Variants in CUL1 observed in about 807,000 individuals in gnomAD.
CUL1 encodes cullin-1.
CUL1 carries 24 observed loss-of-function variants against 118.0 expected under a neutral mutation model. The observed-to-expected ratio is 0.20, with a 90% CI of 0.15 to 0.29. The LOEUF is 0.29. Ranked by LOEUF, CUL1 falls within the 10% of genes least tolerant of loss-of-function variation. The pLI is 1.00. For synonymous variants in CUL1, 332 were observed against 340.4 expected (o/e 0.98, Z 0.27); for missense variants, 361 against 933.8 (o/e 0.39, Z 7.99).
intron 1 of CUL1, among the ~76,000 whole-genome samples, chr7:148,720,620 T>C (rs890588909): frequency 6.6e-6 from 1 of 152,168 alleles, no homozygotes; most frequent in Non-Finnish European, 1.5e-5. Context: ...GGTGCTTTCG[T>C]AACTCCTAGG....
chr7:148,763,894 T>A (rs1434965111), intron 7 of CUL1, among the ~76,000 whole-genome samples: 2 of 152,224 alleles, frequency 1.3e-5, no homozygotes, highest in African/African-American at 4.8e-5. Flanking sequence ...TTGAGAGCAG[T>A]TCAAATTCCC....
In CUL1 at chr7:148,745,655, A is replaced by G. The variant is rs3800942; in HGVS notation, c.141-8321A>G. On this transcript the variant is annotated intron_variant, in intron 2 of 21. Transcript: ENST00000325222. ...GGACTGGAGGTAGGGGGTAGAAAGG[A>G]GATGTGTTCTCTATTCGCAGGAAAT... Among the ~76,000 whole-genome samples the G allele has an allele frequency of 9.8e-3, 1,494 of 152,344 alleles. 86 individuals carry two copies. In the East Asian group the frequency reaches 0.15, roughly 15 times the overall value.
intron 1 of CUL1, among the ~76,000 whole-genome samples, chr7:148,702,493 A>G (rs1362358821): frequency 6.6e-6 from 1 of 152,236 alleles, no homozygotes; most frequent in African/African-American, 2.4e-5. Context: ...AGGATTTTGG[A>G]AAAACGGTCT....
chr7:148,767,588 A>C, intron 8 of CUL1, 31 bp from the exon 9 acceptor site: 4 of 1,606,532 alleles, frequency 2.5e-6, no homozygotes, highest in Non-Finnish European at 2.5e-6. Context: ...AATTTTTTTC[A>C]GTGCATAAAA....
At chr7:148,723,662 CAA>C (rs3059215) in intron 1 of CUL1, among the ~76,000 whole-genome samples, 49,073 of 142,038 alleles carry the variant, frequency 0.35, 8,393 homozygotes, top group South Asian at 0.5. Context: ...TATGACTCAC[CAA>C]AAAAAAAAAA....
intron 1 of CUL1, among the ~76,000 whole-genome samples, chr7:148,711,726 C>G (rs1798059888): frequency 6.6e-6 from 1 of 152,154 alleles, no homozygotes; most frequent in African/African-American, 2.4e-5. Context: ...TTCATGTTCA[C>G]TTAGTGATAC....
In CUL1 at chr7:148,800,164, T is replaced by C. The variant is rs967215725; in HGVS notation, c.2251-338T>C. Among the ~76,000 whole-genome samples, 1 of 152,220 alleles carries C rather than the reference T, an allele frequency of 6.6e-6. No homozygotes were observed. Among genetic ancestry groups the C allele is most frequent in the Admixed American group, 6.5e-5 (1 of 15,294 alleles). On this transcript the variant is annotated intron_variant, in intron 21 of 21. Transcript: ENST00000325222. This position sits in a 1 kb window ranked among gnomAD's most constrained non-coding sequence, Gnocchi z 4.6. Reference sequence around the variant, plus strand: ...TCCCCTGTTCCCTGTTCATGGCCTCTTCTTGTGAGACTGAGTCCTGCCGCA... The same window carrying C: ...TCCCCTGTTCCCTGTTCATGGCCTCCTCTTGTGAGACTGAGTCCTGCCGCA...
At chr7:148,753,440 G>A (rs2129460336) in intron 2 of CUL1, among the ~76,000 whole-genome samples, 1 of 151,910 alleles carries the variant, frequency 6.6e-6, no homozygotes, top group East Asian at 1.9e-4. Flanking sequence ...TTTCTCAGGA[G>A]TGTGTGGACA....
rs1801288722 is a variant in CUL1 at position 148,798,692 on chromosome 7, T to G, written c.2136+15T>G. The G allele has an allele frequency of 6.2e-7, 1 of 1,602,580 alleles. No individual in the cohort carries two copies. The highest frequency in any genetic ancestry group is 2.2e-5 in the East Asian group (1 of 44,824). On this transcript the variant is annotated intron_variant, in intron 20 of 21. Coordinates refer to ENST00000325222, the MANE Select transcript of CUL1 (RefSeq NM_003592.3). ...TACTGATTCAGGTGACTTATCTGTA[T>G]GCCTGTGCCAGGTGTGCTGTCCCTC...
At chr7:148,799,153 CT>C in intron 20 of CUL1, 121 bp from the exon 21 acceptor site, 1 of 642,578 alleles carries the variant, frequency 1.6e-6, no homozygotes, top group Non-Finnish European at 2.7e-6. Flanking sequence ...TGTTTGTTGC[CT>C]GTTAGGAAAT....
intron 21 of CUL1, 46 bp downstream of exon 21, chr7:148,799,434 GA>G: frequency 2.3e-6 from 3 of 1,325,290 alleles, no homozygotes; most frequent in Non-Finnish European, 3.2e-6. Context: ...TAATTTAGAA[GA>G]TAAAAGATGT....
intron 9 of CUL1, among the ~76,000 whole-genome samples, chr7:148,775,654 T>C (rs1193032565): frequency 6.6e-6 from 1 of 152,212 alleles, no homozygotes; most frequent in Non-Finnish European, 1.5e-5. Context: ...ATGCTGATAA[T>C]ATACATTGAT....
At chr7:148,790,947 TG>T (rs1800982901) in intron 16 of CUL1, among the ~76,000 whole-genome samples, 1 of 152,162 alleles carries the variant, frequency 6.6e-6, no homozygotes, top group Admixed American at 6.5e-5. Context: ...AACTGAGGCT[TG>T]GGTTAATTTA....
intron 17 of CUL1, among the ~76,000 whole-genome samples, chr7:148,793,951 G>A (rs552997662): frequency 3.3e-4 from 51 of 152,292 alleles, no homozygotes; most frequent in African/African-American, 1.2e-3. Context: ...CCCAGTGGAT[G>A]TGAAGTAGTA....
At chr7:148,730,324 A>G (rs1371117239) in intron 2 of CUL1, 62 bp downstream of exon 2, 4 of 1,493,796 alleles carry the variant, frequency 2.7e-6, no homozygotes, top group Non-Finnish European at 2.7e-6. Context: ...AGTATGACTT[A>G]TGAATTATTA....
chr7:148,795,266 G>T (rs1024577925), intron 17 of CUL1, among the ~76,000 whole-genome samples: 4 of 152,098 alleles, frequency 2.6e-5, no homozygotes, highest in Admixed American at 2.6e-4. Flanking sequence ...TGAGTAGCTG[G>T]CACTACAGGC....
intron 1 of CUL1, among the ~76,000 whole-genome samples, chr7:148,712,083 A>G (rs1407589049): frequency 6.6e-6 from 1 of 152,170 alleles, no homozygotes; most frequent in Non-Finnish European, 1.5e-5. Context: ...TGCTGTTTGT[A>G]TCTTTGTATT....
intron 11 of CUL1, 57 bp from the exon 12 acceptor site, chr7:148,786,494 G>C (rs905952328): frequency 7.7e-7 from 1 of 1,306,068 alleles, no homozygotes; most frequent in Non-Finnish European, 1.1e-6. Context: ...CTGGCTAAGT[G>C]GTGCTTGTTT....
At chr7:148,741,752 G>A (rs1799146451) in intron 2 of CUL1, among the ~76,000 whole-genome samples, 1 of 150,176 alleles carries the variant, frequency 6.7e-6, no homozygotes, top group Non-Finnish European at 1.5e-5. Context: ...TTTGGTGTTT[G>A]TAGTAGAGAC....
Sources: gnomAD v4.1 joint callset for allele counts (sites outside exome capture counted in the v4.1 genomes callset) on GRCh38, gnomAD v4.1.1 for gene constraint, Gnocchi (gnomAD v3.1) non-coding constraint, MANE v1.5 for transcripts, NCBI Gene and HGNC (gene_info 2026-07-23, HGNC 2026-07-21) for gene names.